Variants in PLEKHA5 observed in about 807,000 individuals in gnomAD.
PLEKHA5 encodes pleckstrin homology domain containing A5.
In PLEKHA5, 55 loss-of-function variants were observed where a neutral mutation model predicts 181.9. The ratio of observed to expected loss-of-function variants is 0.30; its 90% CI spans 0.24 to 0.38. PLEKHA5 has a LOEUF of 0.38. Ranked by LOEUF, PLEKHA5 falls within the 10% of genes least tolerant of loss-of-function variation. The pLI, the probability that PLEKHA5 is intolerant of heterozygous loss-of-function variation, is 1.00. For missense variants in PLEKHA5, 1,432 were observed against 1,549.5 expected (o/e 0.92, Z 1.27); for synonymous variants, 535 against 529.4 (o/e 1.01, Z -0.15).
At chr12:19,201,102 T>G (rs1203802885) in intron 3 of PLEKHA5, 2 of 152,056 alleles carry the variant, frequency 1.3e-5, no homozygotes, top group East Asian at 3.9e-4. Flanking sequence ...ATCACATATT[T>G]GTCAAATAAC....
chr12:19,170,174 C>T (rs2045559107), intron 3 of PLEKHA5, among the ~76,000 whole-genome samples: 1 of 152,132 alleles, frequency 6.6e-6, no homozygotes, highest in Non-Finnish European at 1.5e-5. Context: ...CTGGAAATGC[C>T]TCTCTTACCT....
intron 15 of PLEKHA5, among the ~76,000 whole-genome samples, chr12:19,311,450 TAAAA>T (rs530115682): frequency 7.6e-6 from 1 of 131,414 alleles, no homozygotes; most frequent in African/African-American, 2.8e-5. Context: ...CTCGAAAAAT[TAAAA>T]AAAAAAAAAA....
intron 20 of PLEKHA5, among the ~76,000 whole-genome samples, chr12:19,326,467 A>C (rs2092108383): frequency 6.6e-6 from 1 of 152,218 alleles, no homozygotes; most frequent in African/African-American, 2.4e-5. Flanking sequence ...CTGTAGATCA[A>C]AGCTGTGATT....
chr12:19,215,762 A>G (rs2057851073), intron 3 of PLEKHA5, among the ~76,000 whole-genome samples: 1 of 152,344 alleles, frequency 6.6e-6, no homozygotes, highest in East Asian at 1.9e-4. Context: ...CATGGTAAAT[A>G]TAATATCAAT....
At chr12:19,275,014 G>C in intron 11 of PLEKHA5, 31 bp downstream of exon 11, 1 of 1,457,744 alleles carries the variant, frequency 6.9e-7, no homozygotes, top group Non-Finnish European at 9.4e-7. Flanking sequence ...TATGAACCCA[G>C]GTTTCTTTGA....
intron 3 of PLEKHA5, among the ~76,000 whole-genome samples, chr12:19,139,911 G>T (rs1431489925): frequency 6.6e-6 from 1 of 152,196 alleles, no homozygotes; most frequent in African/African-American, 2.4e-5. Flanking sequence ...GATGGGGTTG[G>T]TATGGTATGG....
At chr12:19,344,278 T>G (rs1186881339) in intron 22 of PLEKHA5, among the ~76,000 whole-genome samples, 1 of 152,182 alleles carries the variant, frequency 6.6e-6, no homozygotes, top group East Asian at 1.9e-4. Flanking sequence ...GAAAGCTCTG[T>G]CAACCATACC....
At chr12:19,181,725 G>A (rs1205063747) in intron 3 of PLEKHA5, among the ~76,000 whole-genome samples, 4 of 152,098 alleles carry the variant, frequency 2.6e-5, no homozygotes, top group African/African-American at 7.2e-5. Flanking sequence ...ACAGTGAGCC[G>A]AGATCGCGCC....
intron 3 of PLEKHA5, among the ~76,000 whole-genome samples, chr12:19,186,142 CTTAG>C (rs957273651): frequency 1.3e-5 from 2 of 152,130 alleles, no homozygotes; most frequent in Non-Finnish European, 2.9e-5. Flanking sequence ...CTGGCTCTAG[CTTAG>C]TTAGGTAACT....
intron 3 of PLEKHA5, among the ~76,000 whole-genome samples, chr12:19,252,809 A>G (rs1315527490): frequency 1.3e-5 from 2 of 152,032 alleles, no homozygotes; most frequent in Non-Finnish European, 2.9e-5. Flanking sequence ...AAACAGAAAC[A>G]CTGTAAATTA....
At chr12:19,210,089 A>G (rs2056604405) in intron 3 of PLEKHA5, among the ~76,000 whole-genome samples, 1 of 152,188 alleles carries the variant, frequency 6.6e-6, no homozygotes, top group Non-Finnish European at 1.5e-5. Flanking sequence ...CGTGAAAAAG[A>G]CTACATTGAC....
At chr12:19,365,632 G>A (rs1020622471) in intron 29 of PLEKHA5, among the ~76,000 whole-genome samples, 2 of 151,604 alleles carry the variant, frequency 1.3e-5, no homozygotes, top group Admixed American at 1.3e-4. Flanking sequence ...GCACTGACTG[G>A]ATATTTGATG....
chr12:19,165,919 A>G (rs1227822049), intron 3 of PLEKHA5, among the ~76,000 whole-genome samples: 2 of 152,208 alleles, frequency 1.3e-5, no homozygotes, highest in Non-Finnish European at 2.9e-5. Flanking sequence ...TTTAAGCAAA[A>G]GGACATTCAG....
intron 3 of PLEKHA5, among the ~76,000 whole-genome samples, chr12:19,187,568 G>C (rs562156278): frequency 5.3e-5 from 8 of 152,154 alleles, no homozygotes; most frequent in Non-Finnish European, 8.8e-5. Flanking sequence ...AGAAAGCAAA[G>C]AGAAGCCACA....
intron 3 of PLEKHA5, among the ~76,000 whole-genome samples, chr12:19,158,943 A>G (rs928489262): frequency 2.0e-4 from 30 of 152,298 alleles, no homozygotes; most frequent in Admixed American, 1.6e-3. Context: ...CTCTATCATC[A>G]TCTCTGAATT....
At chr12:19,270,107 C>T (rs2072140663) in intron 9 of PLEKHA5, 81 bp from the exon 10 acceptor site, 3 of 829,400 alleles carry the variant, frequency 3.6e-6, no homozygotes, top group East Asian at 2.8e-5. Context: ...TCTTTTTCTT[C>T]TTTATTCATT....
At chr12:19,163,428 C>T (rs1221029328) in intron 3 of PLEKHA5, among the ~76,000 whole-genome samples, 1 of 152,092 alleles carries the variant, frequency 6.6e-6, no homozygotes, top group Non-Finnish European at 1.5e-5. Context: ...CCGCCCACCT[C>T]GGCCTACCAA....
At position 19,376,139 on chromosome 12, in the gene PLEKHA5, A is replaced by T. The variant is rs975764248; in HGVS notation, c.*620A>T. The T allele has an allele frequency of 6.7e-6, 1 of 149,052 alleles. No homozygotes were observed. The highest frequency in any genetic ancestry group is 6.8e-5 in the Admixed American group (1 of 14,772). The allele number at this position is 149,052 out of a possible 1,614,324, so 9.2% of individuals were successfully genotyped here. ...AGCTTAAACACAAATGTTACTGCTT[A>T]TCTTTTCTTAAAAAAAAAAAAAACA... On this transcript the variant is annotated 3_prime_UTR_variant, in exon 32 of 32. Coordinates refer to ENST00000429027, the MANE Select transcript of PLEKHA5 (RefSeq NM_001256470.2).
intron 3 of PLEKHA5, among the ~76,000 whole-genome samples, chr12:19,211,371 C>T (rs149547145): frequency 2.6e-5 from 4 of 151,724 alleles, no homozygotes; most frequent in African/African-American, 7.3e-5. Context: ...AGGGCGGTGG[C>T]GAATGCAGTC....
Sources: gnomAD v4.1 joint callset for allele counts (sites outside exome capture counted in the v4.1 genomes callset) on GRCh38, gnomAD v4.1.1 for gene constraint, MANE v1.5 for transcripts, NCBI Gene and HGNC (gene_info 2026-07-23, HGNC 2026-07-21) for gene names.